The following GNAT3 variants were observed in gnomAD, a reference collection of about 807,000 sequenced individuals.
The protein encoded by GNAT3 is guanine nucleotide-binding protein G(t) subunit alpha-3.
In GNAT3, 31 loss-of-function variants were observed where a neutral mutation model predicts 37.7. The ratio of observed to expected loss-of-function variants is 0.82; its 90% CI spans 0.62 to 1.11. The LOEUF (loss-of-function observed/expected upper bound fraction) is 1.11, where lower values mean the gene tolerates loss of function less well. Among genes scored for constraint, GNAT3 ranks in the 50% most tolerant of loss-of-function variants. The pLI, the probability that GNAT3 is intolerant of heterozygous loss-of-function variation, is 0.00. For missense variants in GNAT3, 437 were observed against 412.5 expected (o/e 1.06, Z -0.51); for synonymous variants, 138 against 139.8 (o/e 0.99, Z 0.09).
intron 7 of GNAT3, among the ~76,000 whole-genome samples, chr7:80,459,376 T>A (rs1203138844): frequency 1.3e-5 from 2 of 152,128 alleles, no homozygotes; most frequent in Admixed American, 6.6e-5. Flanking sequence ...AGAATCTACT[T>A]CGATAGAAAT....
intron 1 of GNAT3, among the ~76,000 whole-genome samples, chr7:80,502,377 T>TA (rs1790849696): frequency 6.6e-6 from 1 of 152,106 alleles, no homozygotes; most frequent in East Asian, 1.9e-4. Flanking sequence ...CTTATTAACA[T>TA]ACCTTTTAGG....
chr7:80,461,439 C>T (rs1199213648), intron 7 of GNAT3, among the ~76,000 whole-genome samples: 1 of 152,032 alleles, frequency 6.6e-6, no homozygotes, highest in Non-Finnish European at 1.5e-5. Context: ...GTCCCAGCCA[C>T]TCGGGAGGCT....
intron 3 of GNAT3, among the ~76,000 whole-genome samples, chr7:80,482,423 C>T (rs1439398548): frequency 6.6e-6 from 1 of 152,066 alleles, no homozygotes; most frequent in African/African-American, 2.4e-5. Context: ...GCTTTACAAA[C>T]CAAACAAATA....
At chr7:80,464,360 A>G (rs1790099685) in intron 5 of GNAT3, among the ~76,000 whole-genome samples, 1 of 152,112 alleles carries the variant, frequency 6.6e-6, no homozygotes, top group Admixed American at 6.6e-5. Context: ...AAACAATGTT[A>G]TAAGCAAAGG....
chr7:80,481,717 G>T (rs1410270439), intron 3 of GNAT3, among the ~76,000 whole-genome samples: 1 of 151,974 alleles, frequency 6.6e-6, no homozygotes, highest in Non-Finnish European at 1.5e-5. Flanking sequence ...CTTTTTAAAG[G>T]TCTACATAGG....
intron 7 of GNAT3, 127 bp downstream of exon 7, chr7:80,462,032 A>G: frequency 1.5e-6 from 1 of 652,848 alleles, no homozygotes. Context: ...TCCAGTTTGG[A>G]TCATAAAGAT....
chr7:80,460,346 AG>A (rs1247299561), intron 7 of GNAT3, among the ~76,000 whole-genome samples: 8 of 152,174 alleles, frequency 5.3e-5, no homozygotes, highest in Admixed American at 5.2e-4. Flanking sequence ...GGGGGAACAC[AG>A]GGGATTTTTA....
intron 3 of GNAT3, among the ~76,000 whole-genome samples, chr7:80,479,447 T>C (rs1457414236): frequency 6.6e-6 from 1 of 151,826 alleles, no homozygotes; most frequent in Non-Finnish European, 1.5e-5. Context: ...AGACCGGGCA[T>C]GGTGGCTAAC....
intron 5 of GNAT3, 31 bp downstream of exon 5, chr7:80,474,220 G>A: frequency 6.3e-7 from 1 of 1,592,774 alleles, no homozygotes; most frequent in Non-Finnish European, 8.6e-7. Flanking sequence ...GCATACTTCT[G>A]TCTACAGTTA....
chr7:80,501,346 G>GAACAAAACA (rs1454863072), intron 1 of GNAT3, among the ~76,000 whole-genome samples: 1 of 151,832 alleles, frequency 6.6e-6, no homozygotes, highest in Non-Finnish European at 1.5e-5. Flanking sequence ...ATACATATAT[G>GAACAAAACA]AACATAGTTT....
At chr7:80,468,742 T>C (rs1207492195) in intron 5 of GNAT3, among the ~76,000 whole-genome samples, 2 of 151,918 alleles carry the variant, frequency 1.3e-5, no homozygotes, top group Non-Finnish European at 2.9e-5. Context: ...TCCTCACAAT[T>C]AAAAAACAGA....
chr7:80,499,688 T>G (rs919302547), intron 1 of GNAT3, among the ~76,000 whole-genome samples: 1 of 152,198 alleles, frequency 6.6e-6, no homozygotes, highest in Non-Finnish European at 1.5e-5. Flanking sequence ...TTTCTCCTTT[T>G]TATGGAGTGA....
chr7:80,488,069 T>C (rs186688360), intron 3 of GNAT3, among the ~76,000 whole-genome samples: 9 of 151,732 alleles, frequency 5.9e-5, no homozygotes, highest in African/African-American at 1.9e-4. Context: ...AATTCTTTTT[T>C]AAAAAAAAAC....
At chr7:80,500,004 C>T (rs1309679728) in intron 1 of GNAT3, among the ~76,000 whole-genome samples, 1 of 152,118 alleles carries the variant, frequency 6.6e-6, no homozygotes, top group Non-Finnish European at 1.5e-5. Flanking sequence ...ATATGATCCA[C>T]TCCTTTACTC....
chr7:80,465,601 G>C (rs193031235), intron 5 of GNAT3, among the ~76,000 whole-genome samples: 2 of 152,234 alleles, frequency 1.3e-5, no homozygotes, highest in East Asian at 3.9e-4. Context: ...AACTTGCTAA[G>C]TCTATTTACT....
chr7:80,500,566 C>T (rs1790814143), intron 1 of GNAT3, among the ~76,000 whole-genome samples: 1 of 152,028 alleles, frequency 6.6e-6, no homozygotes, highest in African/African-American at 2.4e-5. Flanking sequence ...AGGGTCTATT[C>T]TGTTAACAGG....
intron 5 of GNAT3, among the ~76,000 whole-genome samples, chr7:80,466,088 AG>A (rs555050256): frequency 1.3e-5 from 2 of 151,992 alleles, no homozygotes; most frequent in African/African-American, 4.8e-5. Flanking sequence ...TCCCCACCTC[AG>A]GGGGGGAAAA....
chr7:80,509,520 A>T (rs2116237790), intron 1 of GNAT3, among the ~76,000 whole-genome samples: 1 of 152,222 alleles, frequency 6.6e-6, no homozygotes, highest in East Asian at 1.9e-4. Flanking sequence ...AGTCCCACTA[A>T]TGATTCTTTT....
chr7:80,466,407 A>G (rs1042942564), intron 5 of GNAT3, among the ~76,000 whole-genome samples: 1 of 152,076 alleles, frequency 6.6e-6, no homozygotes, highest in African/African-American at 2.4e-5. Flanking sequence ...GTTAGATTCT[A>G]TTCACATCTT....
Sources: gnomAD v4.1 joint callset for allele counts (sites outside exome capture counted in the v4.1 genomes callset) on GRCh38, gnomAD v4.1.1 for gene constraint, MANE v1.5 for transcripts, NCBI Gene and HGNC (gene_info 2026-07-23, HGNC 2026-07-21) for gene names.